TMEM132C: variants seen among roughly 807,000 people sequenced by gnomAD.
The protein encoded by TMEM132C is protein phosphatase 1, regulatory subunit 152.
In TMEM132C, 29 loss-of-function variants were observed where a neutral mutation model predicts 61.4. The ratio of observed to expected loss-of-function variants is 0.47; its 90% CI spans 0.35 to 0.64. The LOEUF (loss-of-function observed/expected upper bound fraction) is 0.64. Ranked by LOEUF, TMEM132C falls within the 30% of genes least tolerant of loss-of-function variation. The probability of loss-of-function intolerance (pLI) is 0.00; values close to 1 mark genes in which losing one functional copy is unlikely to be tolerated. For synonymous variants in TMEM132C, 656 were observed against 633.1 expected, an observed-to-expected ratio of 1.04 and a Z score of -0.54; for missense variants, 1,408 against 1,476.9, an observed-to-expected ratio of 0.95 and a Z score of 0.76.
At chr12:128,294,863 C>A (rs1304266577) in intron 1 of TMEM132C, among the ~76,000 whole-genome samples, 1 of 152,080 alleles carries the variant, frequency 6.6e-6, no homozygotes, top group Non-Finnish European at 1.5e-5. Flanking sequence ...TTTCAAGGAA[C>A]AAAGACGTTT....
intron 2 of TMEM132C, among the ~76,000 whole-genome samples, chr12:128,480,337 G>T (rs1023509141): frequency 6.6e-6 from 1 of 152,156 alleles, no homozygotes; most frequent in Non-Finnish European, 1.5e-5. Flanking sequence ...TGATTATTCT[G>T]CATGGACCTT....
At chr12:128,312,893 C>T (rs920822967) in intron 1 of TMEM132C, among the ~76,000 whole-genome samples, 13 of 152,360 alleles carry the variant, frequency 8.5e-5, no homozygotes, top group Non-Finnish European at 1.5e-4. Flanking sequence ...GCTTGCCTCC[C>T]GCACATGGGC....
intron 3 of TMEM132C, among the ~76,000 whole-genome samples, chr12:128,612,968 G>A (rs1028068531): frequency 1.3e-5 from 2 of 152,088 alleles, no homozygotes; most frequent in Non-Finnish European, 2.9e-5. Context: ...CATTATTTCA[G>A]TCTTCTATAT....
chr12:128,669,339 G>A (rs923965223), intron 4 of TMEM132C, 78 bp from the exon 5 acceptor site: 56 of 1,498,282 alleles, frequency 3.7e-5, no homozygotes, highest in Non-Finnish European at 5.0e-5. Context: ...TACCCTGGGA[G>A]ATTCCCCCTA....
chr12:128,385,049 C>G (rs1034580225), intron 1 of TMEM132C, among the ~76,000 whole-genome samples: 1 of 152,184 alleles, frequency 6.6e-6, no homozygotes, highest in Non-Finnish European at 1.5e-5. Context: ...GATGTCATAC[C>G]CCTTTGCAGA....
At chr12:128,631,878 C>T (rs60225690) in intron 4 of TMEM132C, among the ~76,000 whole-genome samples, 2,986 of 152,312 alleles carry the variant, frequency 0.02, 111 homozygotes, top group African/African-American at 0.068. Flanking sequence ...TTCCTCCTAA[C>T]GGTATTGTCA....
At chr12:128,395,856 G>T (rs1228251959) in intron 1 of TMEM132C, among the ~76,000 whole-genome samples, 1 of 151,972 alleles carries the variant, frequency 6.6e-6, no homozygotes, top group Admixed American at 6.5e-5. Flanking sequence ...AGCCAGGATG[G>T]GAAGAATATA....
intron 2 of TMEM132C, among the ~76,000 whole-genome samples, chr12:128,445,803 C>T (rs963647365): frequency 6.6e-6 from 1 of 152,050 alleles, no homozygotes; most frequent in African/African-American, 2.4e-5. Context: ...ATTTAAAAGC[C>T]CCCCACCCCT....
chr12:128,548,530 G>A (rs1178262916), intron 3 of TMEM132C, among the ~76,000 whole-genome samples: 1 of 152,134 alleles, frequency 6.6e-6, no homozygotes, highest in Admixed American at 6.5e-5. Context: ...TGATCATGTA[G>A]GGCCCACTTG....
chr12:128,365,907 C>T (rs1383780659), intron 1 of TMEM132C, among the ~76,000 whole-genome samples: 5 of 152,294 alleles, frequency 3.3e-5, no homozygotes, highest in South Asian at 2.1e-4. Context: ...GTGATTTATA[C>T]GCGCAGGCTT....
chr12:128,583,431 T>A (rs1875422462), intron 3 of TMEM132C, among the ~76,000 whole-genome samples: 1 of 151,556 alleles, frequency 6.6e-6, no homozygotes, highest in Non-Finnish European at 1.5e-5. Context: ...AATTTTGAGC[T>A]AAGTACTGAA....
At chr12:128,664,821 T>C (rs1954440096) in intron 4 of TMEM132C, among the ~76,000 whole-genome samples, 1 of 152,222 alleles carries the variant, frequency 6.6e-6, no homozygotes, top group Non-Finnish European at 1.5e-5. Flanking sequence ...TAGGTGGGTC[T>C]CAGAAGACAG....
chr12:128,420,412 C>T (rs888082875), intron 2 of TMEM132C, among the ~76,000 whole-genome samples: 3 of 152,012 alleles, frequency 2.0e-5, no homozygotes, highest in African/African-American at 4.8e-5. Flanking sequence ...TGGTTTGTTA[C>T]AGGAACAGTA....
chr12:128,271,417 C>T (rs1193385), intron 1 of TMEM132C, among the ~76,000 whole-genome samples: 5,701 of 152,000 alleles, frequency 0.038, 86 homozygotes, highest in Middle Eastern at 0.051. Context: ...TACATTTTAT[C>T]TGTCCATTAT....
At position 128,705,219 on chromosome 12, in the gene TMEM132C, C is replaced by A; in HGVS notation, c.2251C>A (p.Arg751Ser). The A allele has an allele frequency of 6.4e-7, 1 of 1,551,724 alleles. No individual in the cohort carries two copies. The highest frequency in any genetic ancestry group is 8.7e-7 in the Non-Finnish European group (1 of 1,147,002). ...DEAVVSVPQP[R>S]SPRWPVVVAE... is the part of the protein sequence containing the mutation. ...GGCTGTCGTGTCAGTCCCCCAGCCC[C>A]GCTCTCCCAGGTGGCCCGTTGTGGT... Residue 751 changes from arginine to serine, a missense_variant, in exon 9 of 9, where the codon CGC becomes AGC. Coordinates refer to ENST00000435159, the MANE Select transcript of TMEM132C (RefSeq NM_001136103.3).
chr12:128,420,160 A>G (rs1486947399), intron 2 of TMEM132C, among the ~76,000 whole-genome samples: 1 of 152,136 alleles, frequency 6.6e-6, no homozygotes, highest in Non-Finnish European at 1.5e-5. Context: ...CATGCCAGTG[A>G]AGTCCAGCCT....
Position 128,483,987 on chromosome 12 carries a change from A to G in TMEM132C, c.975-59970A>G, listed in dbSNP as rs550211093. ...TCATGTTTATTGTATCTAAACGGTA[A>G]AAATACTACAGATATGTTCCTCCAG... On this transcript the variant is annotated intron_variant, in intron 2 of 8. Coordinates refer to ENST00000435159, the MANE Select transcript of TMEM132C (RefSeq NM_001136103.3). Among the ~76,000 whole-genome samples, 5 of 152,190 alleles carry G rather than the reference A, an allele frequency of 3.3e-5. No homozygotes were observed. The South Asian group carries it at 1.0e-3, about 32-fold the overall frequency.
chr12:128,531,042 A>C (rs1196691281), intron 2 of TMEM132C, among the ~76,000 whole-genome samples: 2 of 152,228 alleles, frequency 1.3e-5, no homozygotes, highest in African/African-American at 4.8e-5. Context: ...AGAGGAATGG[A>C]AAGGTGGAAT....
chr12:128,649,218 T>C (rs1388161921), intron 4 of TMEM132C, among the ~76,000 whole-genome samples: 1 of 152,200 alleles, frequency 6.6e-6, no homozygotes, highest in Non-Finnish European at 1.5e-5. Context: ...TTAATCACAC[T>C]CATGCAAAGT....
Sources: gnomAD v4.1 joint callset for allele counts (sites outside exome capture counted in the v4.1 genomes callset) on GRCh38, gnomAD v4.1.1 for gene constraint, MANE v1.5 for transcripts, NCBI Gene and HGNC (gene_info 2026-07-23, HGNC 2026-07-21) for gene names.